Variants in ULK2 observed in about 807,000 individuals in gnomAD.
ULK2 encodes serine/threonine-protein kinase ULK2.
ULK2 carries 76 observed loss-of-function variants against 127.5 expected under a neutral mutation model. The ratio of observed to expected loss-of-function variants is 0.60; its 90% CI spans 0.50 to 0.72. The LOEUF (loss-of-function observed/expected upper bound fraction) is 0.72. Among genes scored for constraint, ULK2 ranks in the 30% least tolerant of loss-of-function variants. The pLI is 0.00. For synonymous variants in ULK2, 452 were observed against 461.9 expected (o/e 0.98, Z 0.28); for missense variants, 1,144 against 1,295.9 (o/e 0.88, Z 1.80).
At chr17:19,791,318 G>A (rs2152384084) in intron 20 of ULK2, among the ~76,000 whole-genome samples, 2 of 152,200 alleles carry the variant, frequency 1.3e-5, no homozygotes, top group East Asian at 3.9e-4. Flanking sequence ...GGGAGGCTGA[G>A]GCGGGCAGAT....
At chr17:19,804,919 T>C (rs2087482909) in intron 14 of ULK2, 89 bp from the exon 15 acceptor site, 1 of 1,459,996 alleles carries the variant, frequency 6.8e-7, no homozygotes, top group Admixed American at 2.2e-5. Flanking sequence ...TAGAGAAAAT[T>C]CCAGAAAGAG....
At chr17:19,829,548 A>AGGGGGGGGG (rs57054467) in intron 10 of ULK2, among the ~76,000 whole-genome samples, 1 of 25,512 alleles carries the variant, frequency 3.9e-5, no homozygotes, top group Non-Finnish European at 8.7e-5. Flanking sequence ...GAAAAAAAAA[A>AGGGGGGGGG]GGGGGGGGGC....
chr17:19,804,005 A>G (rs157394), intron 15 of ULK2, among the ~76,000 whole-genome samples: 145,589 of 152,278 alleles, frequency 0.96, 69,794 homozygotes, highest in African/African-American at 0.99. Flanking sequence ...TATGTCTGCC[A>G]TGCTAAATCA....
intron 26 of ULK2, among the ~76,000 whole-genome samples, chr17:19,777,348 G>A (rs938068908): frequency 1.3e-5 from 2 of 152,114 alleles, no homozygotes; most frequent in Admixed American, 6.5e-5. Flanking sequence ...CAGGTGATCC[G>A]CCCACCTTGG....
In ULK2 at chr17:19,867,615, G is replaced by A. The variant is rs1381373027; in HGVS notation, c.-198C>T. On this transcript the variant is annotated 5_prime_UTR_variant, in exon 1 of 27. Transcript: ENST00000395544. ...GCTGCCGCGCGGAGCCAGGGTCAGC[G>A]AGGCCCGGCCCGGCCCCTGCCGCTC... The A allele has an allele frequency of 1.4e-5, 4 of 288,368 alleles. No individual in the cohort carries two copies. The highest frequency in any genetic ancestry group is 2.2e-5 in the African/African-American group (1 of 44,628). 17.9% of individuals were successfully genotyped at this position (288,368 alleles called of 1,614,324 possible). A position where few individuals can be genotyped will look rare whatever the true frequency, so the allele number is the denominator to read the frequency against.
At position 19,867,234 on chromosome 17, in the gene ULK2, T is replaced by G. The variant is rs114872269; in HGVS notation, c.90+94A>C. ...TAGCATACCCGGGCGGCTAGCCGAG[T>G]CGGGGGTCTCGGCTCGCGGCTGCGC... On this transcript the variant is annotated intron_variant, in intron 1 of 26. Transcript: ENST00000395544. The G allele has an allele frequency of 8.6e-3, 8,458 of 978,796 alleles. 496 individuals are homozygous for G. In the African/African-American group the frequency reaches 0.13, roughly 15 times the overall value. 60.6% of individuals were successfully genotyped at this position (978,796 alleles called of 1,614,324 possible).
Position 19,849,741 on chromosome 17 carries a change from C to A in ULK2, c.258+1G>T. The A allele has an allele frequency of 6.5e-7, 1 of 1,535,602 alleles. No individual in the cohort carries two copies. Among genetic ancestry groups the A allele is most frequent in the East Asian group, 2.3e-5 (1 of 43,188 alleles). ...TAAACAGAAGTTTGTATACTACCTACCTCCATCACCAAAAAGACAGAGTTG... is the reference window on the plus strand; with the variant it reads ...TAAACAGAAGTTTGTATACTACCTAACTCCATCACCAAAAAGACAGAGTTG... On this transcript the variant is annotated splice_donor_variant, in intron 4 of 26. Transcript: ENST00000395544. LOFTEE classifies it high-confidence loss of function.
intron 12 of ULK2, among the ~76,000 whole-genome samples, chr17:19,818,239 T>C (rs1022006974): frequency 6.6e-6 from 1 of 150,384 alleles, no homozygotes; most frequent in Non-Finnish European, 1.5e-5. Flanking sequence ...AGGAGAATGG[T>C]GTAAACCCGG....
intron 20 of ULK2, among the ~76,000 whole-genome samples, chr17:19,793,681 G>A (rs151316419): frequency 6.8e-4 from 103 of 152,254 alleles, no homozygotes; most frequent in African/African-American, 2.4e-3. Flanking sequence ...GAAAATTTTA[G>A]CCTCTGATAC....
chr17:19,849,412 T>C lies in ULK2; in HGVS notation c.259-7A>G, dbSNP rs750165786. On this transcript the variant is annotated splice_polypyrimidine_tract_variant and splice_region_variant and intron_variant, in intron 4 of 26. Transcript: ENST00000395544. ...GGTCTCCACCATTGCAATACTGACA[T>C]AGAAAAGAGAAAGTAATGAAAATAA... The C allele has an allele frequency of 4.4e-6, 7 of 1,604,138 alleles. No individual in the cohort carries two copies. Among genetic ancestry groups the C allele is most frequent in the African/African-American group, 2.7e-5 (2 of 74,790 alleles).
chr17:19,855,629 A>G (rs2042110662), intron 3 of ULK2: 2 of 151,268 alleles, frequency 1.3e-5, no homozygotes, highest in Non-Finnish European at 2.9e-5. Flanking sequence ...AAGGAAAAAA[A>G]GTCTAAAGTA....
rs760965331 is a variant in ULK2, at chr17:19,776,348, C to T, written c.*1G>A. The stretch of plus-strand genomic sequence containing the variant: ...ACCGGTCCACGGGATGAGCCTGCTG[C>T]TCACACGGTTGCGGTGCTATGGCAG... On this transcript the variant is annotated 3_prime_UTR_variant, in exon 27 of 27. Coordinates refer to ENST00000395544, the MANE Select transcript of ULK2 (RefSeq NM_014683.4). 14 of 1,604,152 alleles carry T rather than the reference C, an allele frequency of 8.7e-6. No individual in the cohort carries two copies. The highest frequency in any genetic ancestry group is 1.1e-5 in the Non-Finnish European group (13 of 1,175,608).
rs537642795 is a variant in ULK2, at chr17:19,835,466, C to T, written c.787+3035G>A. 1.7e-3 allele frequency among the ~76,000 whole-genome samples: 255 copies of T among 151,318 alleles called. 1 individual carries two copies. The highest frequency in any genetic ancestry group is 6.1e-3 in the African/African-American group (252 of 41,334). On this transcript the variant is annotated intron_variant, in intron 10 of 26. Coordinates refer to ENST00000395544, the MANE Select transcript of ULK2 (RefSeq NM_014683.4). ...GCGCGGTGGCTCACGCCTGTAATCC[C>T]AGCACTTTGGGAGGCCGAGGTGGGC... is the stretch of plus-strand genomic sequence containing the variant.
Position 19,845,344 on chromosome 17 carries a change from TTAC to T in ULK2, c.500_502del (p.Ser167del), listed in dbSNP as rs778778286. 1.9e-6 allele frequency: 3 copies of T among 1,614,016 alleles called. No individual in the cohort carries two copies. The highest frequency in any genetic ancestry group is 2.5e-6 in the Non-Finnish European group (3 of 1,179,924). Reference sequence around the variant, plus strand: ...TCCACACAGTGTTGCAGCCATCATGTTACTATGTAGGTAACGAGCAAAACCAAA... The same window carrying T: ...TCCACACAGTGTTGCAGCCATCATGTTATGTAGGTAACGAGCAAAACCAAA... On this transcript the variant is annotated inframe_deletion, in exon 7 of 27. Coordinates refer to ENST00000395544, the MANE Select transcript of ULK2 (RefSeq NM_014683.4).
At position 19,773,146 on chromosome 17, in the gene ULK2, G is replaced by T. The variant is rs2086759749; in HGVS notation, c.*3203C>A. On this transcript the variant is annotated 3_prime_UTR_variant, in exon 27 of 27. Transcript: ENST00000395544. The stretch of plus-strand genomic sequence containing the variant: ...ACGAAAAATAGCTGAGCGTGGTGGC[G>T]CATGTCTGTAATCCTAGCTACCTGG... The T allele has an allele frequency of 2.0e-5, 3 of 152,016 alleles. No individual in the cohort carries two copies. Among genetic ancestry groups the T allele is most frequent in the African/African-American group, 4.8e-5 (2 of 41,346 alleles). 9.4% of individuals were successfully genotyped at this position (152,016 alleles called of 1,614,324 possible).
intron 3 of ULK2, 104 bp from the exon 4 acceptor site, chr17:19,849,878 A>G (rs2041974768): frequency 1.5e-6 from 1 of 656,074 alleles, no homozygotes; most frequent in East Asian, 3.0e-5. Flanking sequence ...TAAAACTGGT[A>G]AAATGAAATC....
At chr17:19,791,061 C>T (rs749876537) in intron 20 of ULK2, among the ~76,000 whole-genome samples, 1 of 152,202 alleles carries the variant, frequency 6.6e-6, no homozygotes, top group Non-Finnish European at 1.5e-5. Flanking sequence ...TAGCTGGAAA[C>T]TTCAACGCTC....
At chr17:19,816,617 A>G (rs1186795622) in intron 13 of ULK2, 132 bp downstream of exon 13, 5 of 791,972 alleles carry the variant, frequency 6.3e-6, no homozygotes, top group Middle Eastern at 2.7e-4. Flanking sequence ...AATTCTGAGA[A>G]TTCAAACAAC....
intron 25 of ULK2, among the ~76,000 whole-genome samples, chr17:19,779,888 G>C (rs970004458): frequency 6.6e-6 from 1 of 152,078 alleles, no homozygotes; most frequent in African/African-American, 2.4e-5. Flanking sequence ...AAAAAGATTA[G>C]ATCGGCTGGG....
Sources: gnomAD v4.1 joint callset for allele counts (sites outside exome capture counted in the v4.1 genomes callset) on GRCh38, gnomAD v4.1.1 for gene constraint, MANE v1.5 for transcripts, NCBI Gene and HGNC (gene_info 2026-07-23, HGNC 2026-07-21) for gene names.